Variants in HAUS7 observed in about 807,000 individuals in gnomAD.
HAUS7 encodes HAUS augmin-like complex subunit 7.
In HAUS7, 3 loss-of-function variants were observed where a neutral mutation model predicts 28.4. The observed-to-expected ratio is 0.11, with a 90% CI of 0.05 to 0.27. The LOEUF is 0.27. Among genes scored for constraint, HAUS7 ranks in the 10% least tolerant of loss-of-function variants. The pLI, the probability that HAUS7 is intolerant of heterozygous loss-of-function variation, is 1.00. For missense variants in HAUS7, 284 were observed against 297.3 expected, an observed-to-expected ratio of 0.96 and a Z score of 0.33; for synonymous variants, 165 against 132.1, an observed-to-expected ratio of 1.25 and a Z score of -1.71.
chrX:153,467,794 A>G (rs2089472016), intron 2 of HAUS7, among the ~76,000 whole-genome samples: 1 of 112,863 alleles, frequency 8.9e-6, no homozygotes, highest in East Asian at 2.8e-4. Context: ...GCCGGAAATG[A>G]CAGCAGGCCA....
chrX:153,470,871 C>CACCGGGAAAGGGGCGGGGCGGAT (rs2089516718), upstream of HAUS7: 1 of 366,780 alleles, frequency 2.7e-6, no homozygotes, highest in South Asian at 2.6e-5. Flanking sequence ...GCGGGGCGGA[C>CACCGGGAAAGGGGCGGGGCGGAT]ACCGGGAAGG....
At position 153,457,234 on chromosome X, in the gene HAUS7, C is replaced by T; in HGVS notation, c.355-6G>A. The T allele has an allele frequency of 8.8e-7, 1 of 1,136,161 alleles. No homozygotes were observed. Among genetic ancestry groups the T allele is most frequent in the Non-Finnish European group, 1.2e-6 (1 of 826,900 alleles). The allele number at this position is 1,136,161 out of a possible 1,213,427, so 93.6% of individuals were successfully genotyped here. ...TTCTGGGCGCAGGCACAGCCCTGGG[C>T]AAGGAAGACCACAGACATTCACTGG... On this transcript the variant is annotated splice_polypyrimidine_tract_variant and splice_region_variant and intron_variant, in intron 4 of 9. Transcript: ENST00000370211.
chrX:153,456,804 G>T, intron 5 of HAUS7, 153 bp from the exon 6 acceptor site: 1 of 480,681 alleles, frequency 2.1e-6, no homozygotes, highest in Non-Finnish European at 3.5e-6. Flanking sequence ...CCACCTGTCT[G>T]CCCTGGCTCC....
chrX:153,462,555 T>C, intron 4 of HAUS7, 55 bp downstream of exon 4: 2 of 962,543 alleles, frequency 2.1e-6, no homozygotes, highest in Non-Finnish European at 3.0e-6. Context: ...TGAGGTTCCC[T>C]GCCCAGGGCA....
chrX:153,473,401 C>T (rs1319361332), upstream of HAUS7, among the ~76,000 whole-genome samples: 1 of 113,034 alleles, frequency 8.8e-6, no homozygotes, highest in Non-Finnish European at 1.9e-5. Context: ...AGCTAAAGCC[C>T]TAGAAGGCCT....
chrX:153,460,860 G>A (rs1333415743), intron 4 of HAUS7, among the ~76,000 whole-genome samples: 1 of 112,524 alleles, frequency 8.9e-6, no homozygotes, highest in Admixed American at 9.4e-5. Context: ...ATGTCTGGAG[G>A]ACAGGAAAAG....
chrX:153,470,836 AGGCGGGGCGGACACCGGGAAAGG>A (rs1569531297), upstream of HAUS7: 4 of 287,397 alleles, frequency 1.4e-5, no homozygotes, highest in Admixed American at 8.9e-5. Flanking sequence ...ACCGGGAAGG[AGGCGGGGCGGACACCGGGAAAGG>A]GGCGGGGCGG....
chrX:153,485,570 G>C (rs1556988302), intron 1 of HAUS7, among the ~76,000 whole-genome samples: 1 of 112,322 alleles, frequency 8.9e-6, no homozygotes, highest in African/African-American at 3.2e-5. Flanking sequence ...GGACAGAGGA[G>C]GACATAAACC....
chrX:153,483,530 G>C, intron 1 of HAUS7: 1 of 713,741 alleles, frequency 1.4e-6, no homozygotes, highest in Non-Finnish European at 1.7e-6. Flanking sequence ...AGAGGCAGGT[G>C]GGGAAGGCGG....
upstream of HAUS7, among the ~76,000 whole-genome samples, chrX:153,475,109 G>A (rs2089554582): frequency 8.9e-6 from 1 of 112,631 alleles, no homozygotes; most frequent in African/African-American, 3.2e-5. Context: ...CGAGGTCCTC[G>A]AAGCCCACCG....
chrX:153,491,386 G>A (rs782071766), intron 1 of HAUS7, among the ~76,000 whole-genome samples: 1 of 112,705 alleles, frequency 8.9e-6, no homozygotes, highest in South Asian at 3.6e-4. Flanking sequence ...GGCACAAACA[G>A]CTGCAAGCCA....
At chrX:153,462,783 G>T in intron 3 of HAUS7, 112 bp from the exon 4 acceptor site, 1 of 607,924 alleles carries the variant, frequency 1.6e-6, no homozygotes, top group Non-Finnish European at 2.8e-6. Context: ...GGAGACCAGG[G>T]TGGGCCAGGA....
At chrX:153,470,313 G>T in intron 1 of HAUS7, 137 bp downstream of exon 1, 1 of 576,579 alleles carries the variant, frequency 1.7e-6, no homozygotes, top group Non-Finnish European at 2.8e-6. Flanking sequence ...ACCCCCTGCT[G>T]CAAGGGAACA....
At chrX:153,487,905 G>C (rs782635235) in intron 1 of HAUS7, among the ~76,000 whole-genome samples, 2 of 112,997 alleles carry the variant, frequency 1.8e-5, no homozygotes, top group South Asian at 7.2e-4. Flanking sequence ...CCATTGCCCC[G>C]TTGGCCTGCC....
intron 1 of HAUS7, among the ~76,000 whole-genome samples, chrX:153,475,840 GAGCAGGAA>G (rs200957865): frequency 0.018 from 1,181 of 63,845 alleles, 3 homozygotes; most frequent in Non-Finnish European, 0.028. Flanking sequence ...GAGAGCAGGA[GAGCAGGAA>G]CAGCCCCCAG....
chrX:153,458,542 A>G (rs1329488430), intron 4 of HAUS7, among the ~76,000 whole-genome samples: 2 of 112,548 alleles, frequency 1.8e-5, no homozygotes, highest in Admixed American at 9.4e-5. Context: ...ATTAAGAATA[A>G]CACTTCTATG....
chrX:153,478,798 G>C lies in HAUS7; in HGVS notation c.-588-7653C>G, dbSNP rs1413539209. ...CGGAGGCCTCCACAGTGCTGCCCAC[G>C]GCAGAAGCCCACGGCCTTGGCACCC... On this transcript the variant is annotated intron_variant, in intron 1 of 5. Coordinates refer to the HAUS7 transcript ENST00000370210. Among the ~76,000 whole-genome samples the C allele has an allele frequency of 3.6e-5, 4 of 112,534 alleles. No individual in the cohort carries two copies. In the South Asian group the frequency reaches 1.5e-3, roughly 41 times the overall value.
chrX:153,456,466 G>A lies in HAUS7; in HGVS notation c.605+27C>T, dbSNP rs113990161. The A allele has an allele frequency of 4.3e-5, 51 of 1,172,996 alleles. 1 individual carries two copies. In the African/African-American group the frequency reaches 4.8e-4, roughly 11 times the overall value. ...GGCTGGGACAGGAGGCCAGGGTGCTGCCACTGAGGCCTCCAGGAGCACGTA... is the reference window on the plus strand; with the variant it reads ...GGCTGGGACAGGAGGCCAGGGTGCTACCACTGAGGCCTCCAGGAGCACGTA... On this transcript the variant is annotated intron_variant, in intron 6 of 9. Coordinates refer to ENST00000370211, the MANE Select transcript of HAUS7 (RefSeq NM_001385482.1).
At chrX:153,466,561 C>A (rs1268986066) in intron 2 of HAUS7, among the ~76,000 whole-genome samples, 1 of 111,800 alleles carries the variant, frequency 8.9e-6, no homozygotes, top group Admixed American at 9.4e-5. Context: ...AAAGGCGGCC[C>A]TAAATGGGGC....
Sources: gnomAD v4.1 joint callset for allele counts (sites outside exome capture counted in the v4.1 genomes callset) on GRCh38, gnomAD v4.1.1 for gene constraint, MANE v1.5 for transcripts, NCBI Gene and HGNC (gene_info 2026-07-23, HGNC 2026-07-21) for gene names.